The following DNAH9 variants were observed in gnomAD, a reference collection of about 807,000 sequenced individuals.
DNAH9 encodes the protein dynein axonemal heavy chain 9, also known as DNAH9 variant protein.
In DNAH9, 345 loss-of-function variants were observed where a neutral mutation model predicts 471.6. That is an observed-to-expected ratio of 0.73 (90% CI 0.67 to 0.80). The LOEUF (loss-of-function observed/expected upper bound fraction) is 0.80. DNAH9 is among the 30% of genes least tolerant of loss of function. DNAH9 has a pLI of 0.00. For synonymous variants in DNAH9, 2,093 were observed against 2,123.6 expected, an observed-to-expected ratio of 0.99 and a Z score of 0.40; for missense variants, 5,407 against 5,609.2, an observed-to-expected ratio of 0.96 and a Z score of 1.15.
Position 11,629,810 on chromosome 17 carries a change from C to A in DNAH9, c.1518+226C>A, listed in dbSNP as rs77447665. Among the ~76,000 whole-genome samples, 1,257 of 152,312 alleles carry A rather than the reference C, an allele frequency of 8.3e-3. 24 individuals are homozygous for A. The highest frequency in any genetic ancestry group is 0.029 in the African/African-American group (1,194 of 41,552). ...GGGAGAAAGATCAAGGAGGCCTCTT[C>A]CAACTGTTAACTGCTCCAGACTAAT... On this transcript the variant is annotated intron_variant, in intron 7 of 68. Coordinates refer to ENST00000262442, the MANE Select transcript of DNAH9 (RefSeq NM_001372.4).
intron 32 of DNAH9, among the ~76,000 whole-genome samples, chr17:11,748,356 G>A (rs1966986882): frequency 6.6e-6 from 1 of 151,896 alleles, no homozygotes; most frequent in African/African-American, 2.4e-5. Flanking sequence ...AGCAACATAG[G>A]CATTCAGCTG....
intron 14 of DNAH9, among the ~76,000 whole-genome samples, chr17:11,662,779 G>A (rs1449292757): frequency 1.5e-4 from 15 of 99,634 alleles, no homozygotes; most frequent in East Asian, 1.0e-3. Context: ...TTTTTGAGAC[G>A]GAGTCTCGCT....
intron 61 of DNAH9, among the ~76,000 whole-genome samples, chr17:11,920,889 C>T (rs552827555): frequency 1.3e-5 from 2 of 152,074 alleles, no homozygotes; most frequent in South Asian, 4.1e-4. Flanking sequence ...GCCTGTAATC[C>T]CAGCACTTTG....
intron 38 of DNAH9, among the ~76,000 whole-genome samples, chr17:11,779,362 A>G (rs1357033225): frequency 6.6e-6 from 1 of 152,176 alleles, no homozygotes; most frequent in Non-Finnish European, 1.5e-5. Flanking sequence ...CTACTTGGAA[A>G]CAGAGTAGCT....
intron 20 of DNAH9, among the ~76,000 whole-genome samples, chr17:11,692,676 C>T (rs573805480): frequency 1.3e-5 from 2 of 151,492 alleles, no homozygotes; most frequent in African/African-American, 2.4e-5. Flanking sequence ...AGATGTTATC[C>T]GCCTTTTTTT....
intron 57 of DNAH9, among the ~76,000 whole-genome samples, chr17:11,889,831 C>T (rs928385250): frequency 4.6e-5 from 7 of 152,054 alleles, no homozygotes; most frequent in African/African-American, 1.2e-4. Flanking sequence ...TTACAAAAGC[C>T]GATGAGTATA....
At chr17:11,599,711 G>A (rs1370172831) in intron 1 of DNAH9, among the ~76,000 whole-genome samples, 2 of 152,166 alleles carry the variant, frequency 1.3e-5, no homozygotes, top group African/African-American at 4.8e-5. Flanking sequence ...TGGAATGGGA[G>A]TAAACTGCCC....
intron 43 of DNAH9, among the ~76,000 whole-genome samples, chr17:11,800,046 T>G (rs1969394322): frequency 6.6e-6 from 1 of 152,222 alleles, no homozygotes; most frequent in Non-Finnish European, 1.5e-5. Context: ...AGCATGTTGC[T>G]TCTTTCACCA....
chr17:11,674,178 T>C (rs1248865876), intron 17 of DNAH9, among the ~76,000 whole-genome samples: 1 of 152,206 alleles, frequency 6.6e-6, no homozygotes, highest in Non-Finnish European at 1.5e-5. Flanking sequence ...GCTTCCCTTT[T>C]AACAATGTTG....
At position 11,834,705 on chromosome 17, in the gene DNAH9, A is replaced by G. The variant is rs764965250; in HGVS notation, c.9314A>G (p.Asp3105Gly). ...CTGAAGCAGAAAAATGAAGATGCAG[A>G]CAAACTGATTCAGGTCGTGGGTGTG... ...VELKQKNEDA[D>G]KLIQVVGVET... The change falls in exon 49 of 69, where the codon GAC (aspartate) becomes GGC (glycine). Residue 3105 changes from aspartate (D) to glycine (G), a missense_variant. Asp to Gly is a moderately conservative substitution (Grantham distance 94). This residue lies in a region of DNAH9 where 4,636 missense variants were observed against 4,900.3 expected (regional missense o/e 0.95). Transcript: ENST00000262442. The G allele has an allele frequency of 3.3e-4, 539 of 1,613,996 alleles. No individual in the cohort carries two copies. The highest frequency in any genetic ancestry group is 4.5e-4 in the Non-Finnish European group (528 of 1,180,004).
intron 26 of DNAH9, among the ~76,000 whole-genome samples, chr17:11,714,874 C>T (rs2074932515): frequency 6.6e-6 from 1 of 152,098 alleles, no homozygotes; most frequent in Non-Finnish European, 1.5e-5. Flanking sequence ...TGCCAAGAAC[C>T]TGAATGAGCT....
Position 11,598,849 on chromosome 17 carries a change from C to T in DNAH9, c.351C>T (p.Arg117=). Residue 117 remains arginine, a synonymous_variant, in exon 1 of 69, where the codon CGC becomes CGT. Coordinates refer to ENST00000262442, the MANE Select transcript of DNAH9 (RefSeq NM_001372.4). ...GPEPPGPDSF[R]GAVVCGDLPA... is the part of the protein sequence containing the mutation. Reference sequence around the variant, plus strand: ...AGCCTCCAGGGCCCGACAGCTTCCGCGGCGCAGTGGTCTGCGGGGACCTGC... The same window carrying T: ...AGCCTCCAGGGCCCGACAGCTTCCGTGGCGCAGTGGTCTGCGGGGACCTGC... 2.6e-6 allele frequency: 4 copies of T among 1,525,476 alleles called. No homozygotes were observed. The highest frequency in any genetic ancestry group is 3.5e-6 in the Non-Finnish European group (4 of 1,141,852). 94.5% of individuals were successfully genotyped at this position (1,525,476 alleles called of 1,614,324 possible).
At chr17:11,752,538 G>A (rs1044107304) in intron 32 of DNAH9, among the ~76,000 whole-genome samples, 11 of 152,080 alleles carry the variant, frequency 7.2e-5, no homozygotes, top group African/African-American at 2.2e-4. Flanking sequence ...ATGGTGGCAC[G>A]CATCTCTAGT....
In DNAH9 at chr17:11,626,430, C is replaced by T. The variant is rs1159144260; in HGVS notation, c.1351-2987C>T. Among the ~76,000 whole-genome samples the T allele has an allele frequency of 6.6e-6, 1 of 152,152 alleles. No homozygotes were observed. The highest frequency in any genetic ancestry group is 3.2e-3 in the Middle Eastern group (1 of 316). ...GTGTCTATAGTTGTAAGACAATTTC[C>T]TAGCTGCTTCAGAAATCTTTTCTGC... On this transcript the variant is annotated intron_variant, in intron 6 of 68. Transcript: ENST00000262442. The surrounding 1 kb of genome is among the most constrained non-coding windows in gnomAD (Gnocchi z 4.3).
chr17:11,708,509 T>C (rs1427398442), intron 26 of DNAH9, among the ~76,000 whole-genome samples: 1 of 151,958 alleles, frequency 6.6e-6, no homozygotes, highest in Non-Finnish European at 1.5e-5. Flanking sequence ...GTAAAGGAAG[T>C]AGCAACTGGA....
chr17:11,701,808 A>C (rs1368146109), intron 24 of DNAH9, among the ~76,000 whole-genome samples: 2 of 152,146 alleles, frequency 1.3e-5, no homozygotes, highest in East Asian at 3.9e-4. Flanking sequence ...CCTCCCAGGT[A>C]GCTGTGACTA....
chr17:11,701,748 G>A (rs949245750), intron 24 of DNAH9, among the ~76,000 whole-genome samples: 1 of 152,084 alleles, frequency 6.6e-6, no homozygotes, highest in African/African-American at 2.4e-5. Context: ...CCACGATGTC[G>A]GCTCACTGCA....
chr17:11,791,911 GAA>G (rs765654761), intron 41 of DNAH9, among the ~76,000 whole-genome samples: 3 of 152,104 alleles, frequency 2.0e-5, no homozygotes, highest in Non-Finnish European at 4.4e-5. Flanking sequence ...TGAAGACACA[GAA>G]AAGTTTGCAG....
At chr17:11,627,292 C>A (rs2072986326) in intron 6 of DNAH9, among the ~76,000 whole-genome samples, 1 of 152,200 alleles carries the variant, frequency 6.6e-6, no homozygotes, top group Non-Finnish European at 1.5e-5. Flanking sequence ...AGATCAAACA[C>A]CTTCCTGTCA....
Sources: gnomAD v4.1 joint callset for allele counts (sites outside exome capture counted in the v4.1 genomes callset) on GRCh38, gnomAD v4.1.1 for gene constraint, gnomAD v4.1.1 regional missense constraint, Gnocchi (gnomAD v3.1) non-coding constraint, MANE v1.5 for transcripts, NCBI Gene and HGNC (gene_info 2026-07-23, HGNC 2026-07-21) for gene names.